SIL1: variants seen among roughly 807,000 people sequenced by gnomAD.
SIL1 encodes nucleotide exchange factor SIL1.
SIL1 carries 40 observed loss-of-function variants against 49.1 expected under a neutral mutation model. That is an observed-to-expected ratio of 0.81 (90% CI 0.63 to 1.06). The LOEUF (loss-of-function observed/expected upper bound fraction) is 1.06. Ranked by LOEUF, SIL1 falls within the 50% of genes least tolerant of loss-of-function variation. SIL1 has a pLI of 0.00. For missense variants in SIL1, 500 were observed against 572.6 expected, an observed-to-expected ratio of 0.87 and a Z score of 1.29; for synonymous variants, 253 against 250.8, an observed-to-expected ratio of 1.01 and a Z score of -0.08.
intron 2 of SIL1, among the ~76,000 whole-genome samples, chr5:139,126,269 A>AT (rs1750751441): frequency 6.6e-6 from 1 of 152,190 alleles, no homozygotes; most frequent in Non-Finnish European, 1.5e-5. Context: ...CAGTATTAAC[A>AT]TTTTTCTGAG....
At chr5:139,070,232 G>A (rs1418020467) in intron 3 of SIL1, among the ~76,000 whole-genome samples, 2 of 151,940 alleles carry the variant, frequency 1.3e-5, no homozygotes, top group Non-Finnish European at 2.9e-5. Context: ...TGTACAAAAT[G>A]AGACAGATCA....
At chr5:139,062,422 A>G (rs1453417466) in intron 3 of SIL1, among the ~76,000 whole-genome samples, 3 of 152,280 alleles carry the variant, frequency 2.0e-5, no homozygotes, top group East Asian at 1.9e-4. Flanking sequence ...GTTACCCAGC[A>G]TGGCTTCCAG....
At chr5:139,118,886 G>A (rs754722390) in intron 3 of SIL1, among the ~76,000 whole-genome samples, 2 of 152,092 alleles carry the variant, frequency 1.3e-5, no homozygotes, top group Non-Finnish European at 2.9e-5. Flanking sequence ...AGATACTGAG[G>A]CCAGAACAAG....
intron 4 of SIL1, among the ~76,000 whole-genome samples, chr5:139,049,361 G>C (rs954515102): frequency 2.0e-5 from 3 of 152,168 alleles, no homozygotes; most frequent in African/African-American, 2.4e-5. Context: ...ATTTTTAGTA[G>C]AGACAGGGTT....
intron 1 of SIL1, among the ~76,000 whole-genome samples, chr5:139,150,557 C>T (rs1269760302): frequency 1.3e-5 from 2 of 152,138 alleles, no homozygotes. Flanking sequence ...TCAAGCCAGA[C>T]CCAAGCAGAG....
At chr5:139,090,733 T>C (rs1770326138) in intron 3 of SIL1, among the ~76,000 whole-genome samples, 1 of 151,888 alleles carries the variant, frequency 6.6e-6, no homozygotes, top group Non-Finnish European at 1.5e-5. Context: ...GCTTCTGGAG[T>C]AGCTAGGACT....
rs1479094106 is a variant in SIL1 at position 138,948,269 on chromosome 5, A to AG, written c.1030-797dup. ...TTGGGGCTGGCAGAGGAAACTGAGG[A>AG]GGGGTGCAATCCTGCATCCTGGGAC... On this transcript the variant is annotated intron_variant, in intron 9 of 9. Transcript: ENST00000394817. The surrounding 1 kb of genome is among the most constrained non-coding windows in gnomAD (Gnocchi z 4.8). 1.3e-5 allele frequency among the ~76,000 whole-genome samples: 2 copies of AG among 152,140 alleles called. No individual in the cohort carries two copies. Among genetic ancestry groups the AG allele is most frequent in the Non-Finnish European group, 2.9e-5 (2 of 68,008 alleles).
At chr5:139,000,502 A>G (rs896399420) in intron 7 of SIL1, among the ~76,000 whole-genome samples, 1 of 152,216 alleles carries the variant, frequency 6.6e-6, no homozygotes, top group Non-Finnish European at 1.5e-5. Flanking sequence ...TTCACTGGGG[A>G]AAAGATAGAC....
chr5:138,995,039 C>G (rs1159417578), intron 7 of SIL1, among the ~76,000 whole-genome samples: 3 of 152,162 alleles, frequency 2.0e-5, no homozygotes. Context: ...AGGACATGAT[C>G]TTGTTCCTTT....
chr5:138,996,804 C>T (rs1317626748), intron 7 of SIL1, among the ~76,000 whole-genome samples: 2 of 152,088 alleles, frequency 1.3e-5, no homozygotes, highest in Non-Finnish European at 2.9e-5. Flanking sequence ...AGGTGTGAGC[C>T]ACCATGCCCA....
chr5:138,965,754 G>C (rs960769836), intron 7 of SIL1, among the ~76,000 whole-genome samples: 7 of 144,428 alleles, frequency 4.8e-5, no homozygotes, highest in African/African-American at 1.8e-4. Flanking sequence ...GGGCTCTGGA[G>C]CCACACAGAT....
At position 139,041,857 on chromosome 5, in the gene SIL1, T is replaced by G. The variant is rs189002244; in HGVS notation, c.453+763A>C. ...AACAAAAAAAAGCAAATGGGGACTGTAAGGAGAAGAGGGAGGGAGAACTTA... is the reference window on the plus strand; with the variant it reads ...AACAAAAAAAAGCAAATGGGGACTGGAAGGAGAAGAGGGAGGGAGAACTTA... On this transcript the variant is annotated intron_variant, in intron 5 of 9. Transcript: ENST00000394817. Among the ~76,000 whole-genome samples the G allele has an allele frequency of 4.0e-5, 6 of 150,024 alleles. No individual in the cohort carries two copies. The East Asian group carries it at 9.7e-4, about 24-fold the overall frequency.
rs1230599658 is a variant in SIL1, at chr5:139,006,777, C to T, written c.767+14394G>A. Among the ~76,000 whole-genome samples the T allele has an allele frequency of 1.3e-3, 191 of 148,146 alleles. 1 individual carries two copies. The highest frequency in any genetic ancestry group is 3.8e-3 in the African/African-American group (154 of 40,264). The stretch of plus-strand genomic sequence containing the variant: ...CAAAGATCAGACAGTTGTAGGTATG[C>T]GGCGTTATTTCTGAGGGCTCTGTTC... On this transcript the variant is annotated intron_variant, in intron 7 of 9. Transcript: ENST00000394817.
At chr5:139,134,962 G>A (rs752489868) in intron 1 of SIL1, among the ~76,000 whole-genome samples, 8 of 152,160 alleles carry the variant, frequency 5.3e-5, no homozygotes, top group Admixed American at 2.0e-4. Flanking sequence ...GAGAAACAAC[G>A]CAAAGAGGAC....
intron 3 of SIL1, among the ~76,000 whole-genome samples, chr5:139,063,277 A>T (rs1298803080): frequency 1.3e-5 from 2 of 152,188 alleles, no homozygotes; most frequent in Non-Finnish European, 2.9e-5. Context: ...AAGCATGTGC[A>T]GTTACTCACT....
Position 139,101,799 on chromosome 5 carries a change from G to A in SIL1, c.244+19236C>T, listed in dbSNP as rs937432975. Among the ~76,000 whole-genome samples the A allele has an allele frequency of 7.2e-5, 11 of 152,092 alleles. No individual in the cohort carries two copies. The East Asian group carries it at 9.6e-4, about 13-fold the overall frequency. On this transcript the variant is annotated intron_variant, in intron 3 of 9. Transcript: ENST00000394817. ...AATGTGAGGTCTCTGGGGACCTTAC[G>A]ATCTTGGCACAAAACAATGAGAATG...
chr5:139,064,638 C>A (rs1277125055), intron 3 of SIL1, among the ~76,000 whole-genome samples: 1 of 152,218 alleles, frequency 6.6e-6, no homozygotes, highest in Admixed American at 6.5e-5. Flanking sequence ...GAGAGACCTA[C>A]TAAGTAGTGT....
At chr5:139,071,905 T>TC (rs912912155) in intron 3 of SIL1, among the ~76,000 whole-genome samples, 2 of 151,680 alleles carry the variant, frequency 1.3e-5, no homozygotes, top group Non-Finnish European at 2.9e-5. Flanking sequence ...GACCTCATGG[T>TC]CCCCCCGCCT....
chr5:139,070,475 A>T (rs2150472688), intron 3 of SIL1, among the ~76,000 whole-genome samples: 1 of 152,356 alleles, frequency 6.6e-6, no homozygotes, highest in East Asian at 1.9e-4. Flanking sequence ...AGCAGTAATG[A>T]GCGACCTAAT....
Sources: gnomAD v4.1 joint callset for allele counts (sites outside exome capture counted in the v4.1 genomes callset) on GRCh38, gnomAD v4.1.1 for gene constraint, Gnocchi (gnomAD v3.1) non-coding constraint, MANE v1.5 for transcripts, NCBI Gene and HGNC (gene_info 2026-07-23, HGNC 2026-07-21) for gene names.